PPP3CA: variants seen among roughly 807,000 people sequenced by gnomAD.
PPP3CA encodes protein phosphatase 3 catalytic subunit alpha.
Under a neutral mutation model 66.5 loss-of-function variants are expected in PPP3CA, and 14 were observed. That is an observed-to-expected ratio of 0.21 (90% CI 0.14 to 0.33). PPP3CA has a LOEUF of 0.33. Among genes scored for constraint, PPP3CA ranks in the 10% least tolerant of loss-of-function variants. The pLI is 1.00. For missense variants in PPP3CA, 317 were observed against 639.5 expected (o/e 0.50, Z 5.44); for synonymous variants, 232 against 226.2 (o/e 1.03, Z -0.23).
At chr4:101,319,364 T>C (rs1397033671) in intron 1 of PPP3CA, among the ~76,000 whole-genome samples, 1 of 152,108 alleles carries the variant, frequency 6.6e-6, no homozygotes, top group East Asian at 1.9e-4. Context: ...GGCTACAAAT[T>C]AGTGGAAGTG....
At chr4:101,203,234 C>T (rs147934235) in intron 1 of PPP3CA, among the ~76,000 whole-genome samples, 463 of 152,258 alleles carry the variant, frequency 3.0e-3, no homozygotes, top group Non-Finnish European at 5.0e-3. Flanking sequence ...CGGTGGCTCA[C>T]GCTGGTAATC....
Position 101,334,216 on chromosome 4 carries a change from C to A in PPP3CA, c.58+12523G>T, listed in dbSNP as rs1314673152. Reference sequence around the variant, plus strand: ...ATGTCGTGATCTCTGCTCACTGCAACCTCCACCTCCCAGGTTCAAGCGATT... The same window carrying A: ...ATGTCGTGATCTCTGCTCACTGCAAACTCCACCTCCCAGGTTCAAGCGATT... On this transcript the variant is annotated intron_variant, in intron 1 of 13. Coordinates refer to ENST00000394854, the MANE Select transcript of PPP3CA (RefSeq NM_000944.5). Among the ~76,000 whole-genome samples, 4 of 152,088 alleles carry A rather than the reference C, an allele frequency of 2.6e-5. No individual in the cohort carries two copies. The East Asian group carries it at 5.8e-4, about 22-fold the overall frequency.
intron 1 of PPP3CA, among the ~76,000 whole-genome samples, chr4:101,233,503 G>A (rs929798315): frequency 2.0e-5 from 3 of 151,586 alleles, no homozygotes; most frequent in Admixed American, 6.6e-5. Flanking sequence ...TATTTTGTTC[G>A]CATTTTTAAA....
intron 2 of PPP3CA, among the ~76,000 whole-genome samples, chr4:101,134,823 A>G (rs2695211): frequency 6.6e-6 from 1 of 151,598 alleles, no homozygotes; most frequent in Non-Finnish European, 1.5e-5. Flanking sequence ...AGACTTGGGG[A>G]CAATCCAAAT....
intron 4 of PPP3CA, among the ~76,000 whole-genome samples, chr4:101,098,819 T>C (rs1730314701): frequency 6.6e-6 from 1 of 152,130 alleles, no homozygotes; most frequent in Non-Finnish European, 1.5e-5. Flanking sequence ...AAAATGTACA[T>C]GAACAACTGG....
intron 1 of PPP3CA, among the ~76,000 whole-genome samples, chr4:101,314,420 T>C (rs1728822342): frequency 1.3e-5 from 2 of 151,660 alleles, no homozygotes; most frequent in South Asian, 2.1e-4. Flanking sequence ...AAAAATTAGC[T>C]GGGCATGGTG....
At chr4:101,040,901 T>C (rs905243236) in intron 10 of PPP3CA, among the ~76,000 whole-genome samples, 9 of 152,288 alleles carry the variant, frequency 5.9e-5, no homozygotes, top group Admixed American at 5.9e-4. Flanking sequence ...TTTCTATTTA[T>C]ACAGAGACCA....
intron 2 of PPP3CA, among the ~76,000 whole-genome samples, chr4:101,135,494 T>C (rs1722594208): frequency 6.6e-6 from 1 of 152,180 alleles, no homozygotes; most frequent in African/African-American, 2.4e-5. Context: ...GGAGGCTACC[T>C]GGTCTAAAAA....
Position 101,154,188 on chromosome 4 carries a change from G to T in PPP3CA, c.259+41728C>A, listed in dbSNP as rs200896089. Among the ~76,000 whole-genome samples the T allele has an allele frequency of 2.4e-3, 370 of 152,084 alleles. 8 individuals are homozygous for T. The highest frequency in any genetic ancestry group is 0.019 in the Admixed American group (286 of 15,272). On this transcript the variant is annotated intron_variant, in intron 2 of 13. Coordinates refer to ENST00000394854, the MANE Select transcript of PPP3CA (RefSeq NM_000944.5). ...TATCCTCCACTCTAAATTACTTCTT[G>T]GCCAGAATGCTTCAAAAACTGTGAA...
chr4:101,183,923 C>A (rs1347514926), intron 2 of PPP3CA, among the ~76,000 whole-genome samples: 1 of 152,146 alleles, frequency 6.6e-6, no homozygotes. Context: ...TTGAGAATCA[C>A]TACTATGAGG....
chr4:101,150,261 G>C (rs1723095209), intron 2 of PPP3CA, among the ~76,000 whole-genome samples: 1 of 152,088 alleles, frequency 6.6e-6, no homozygotes, highest in African/African-American at 2.4e-5. Flanking sequence ...AGGTCTTTAG[G>C]TCTGATTGTC....
In PPP3CA at chr4:101,072,347, A is replaced by G. The variant is rs150754086; in HGVS notation, c.955+8185T>C. Among the ~76,000 whole-genome samples, 587 of 152,314 alleles carry G rather than the reference A, an allele frequency of 3.9e-3. 41 individuals carry two copies. The South Asian group carries it at 0.11, about 28-fold the overall frequency. ...GTGGATTAGTGGATCGTTCACAAAC[A>G]TTTCACACAACAAAGCTAAGGCAGA... On this transcript the variant is annotated intron_variant, in intron 8 of 13. Coordinates refer to ENST00000394854, the MANE Select transcript of PPP3CA (RefSeq NM_000944.5).
intron 1 of PPP3CA, among the ~76,000 whole-genome samples, chr4:101,271,588 C>A (rs1727338332): frequency 6.6e-6 from 1 of 152,186 alleles, no homozygotes; most frequent in Non-Finnish European, 1.5e-5. Context: ...CCATGGCTTA[C>A]TCATCCATCA....
At chr4:101,174,543 T>C (rs7653943) in intron 2 of PPP3CA, among the ~76,000 whole-genome samples, 4,188 of 152,306 alleles carry the variant, frequency 0.027, 207 homozygotes, top group African/African-American at 0.095. Context: ...TTAAGTATTA[T>C]GAGAATAACT....
chr4:101,159,439 A>G (rs1390395045), intron 2 of PPP3CA, among the ~76,000 whole-genome samples: 2 of 151,990 alleles, frequency 1.3e-5, no homozygotes, highest in Admixed American at 1.3e-4. Context: ...CTGGGTTTAC[A>G]TTATCTAAGG....
intron 2 of PPP3CA, among the ~76,000 whole-genome samples, chr4:101,135,001 T>C (rs1229656764): frequency 6.6e-6 from 1 of 151,928 alleles, no homozygotes. Flanking sequence ...TTCTCACTCA[T>C]AAGTGGGAAC....
intron 1 of PPP3CA, among the ~76,000 whole-genome samples, chr4:101,251,441 A>G (rs1726674682): frequency 6.6e-6 from 1 of 152,152 alleles, no homozygotes; most frequent in African/African-American, 2.4e-5. Context: ...AGTTGCTAAC[A>G]ATAAATGGAA....
chr4:101,243,274 C>G (rs1391693970), intron 1 of PPP3CA, among the ~76,000 whole-genome samples: 1 of 152,198 alleles, frequency 6.6e-6, no homozygotes, highest in African/African-American at 2.4e-5. Flanking sequence ...CACATGAACA[C>G]ATATCCTCAC....
intron 1 of PPP3CA, among the ~76,000 whole-genome samples, chr4:101,295,128 C>T (rs951153522): frequency 3.3e-5 from 5 of 149,542 alleles, no homozygotes; most frequent in Admixed American, 6.6e-5. Flanking sequence ...GGTGAAACCC[C>T]GTCTCTACTA....
Sources: allele counts gnomAD v4.1 joint callset (sites outside exome capture counted in the v4.1 genomes callset), GRCh38; gene constraint gnomAD v4.1.1; transcripts MANE v1.5; gene names NCBI Gene and HGNC (gene_info 2026-07-23, HGNC 2026-07-21).